Variants in LNX2 observed in about 807,000 individuals in gnomAD.
LNX2 encodes the protein ligand of Numb protein X 2.
In LNX2, 35 loss-of-function variants were observed where a neutral mutation model predicts 66.2. The ratio of observed to expected loss-of-function variants is 0.53; its 90% CI spans 0.40 to 0.70. LNX2 has a LOEUF of 0.70. Ranked by LOEUF, LNX2 falls within the 30% of genes least tolerant of loss-of-function variation. The pLI, the probability that LNX2 is intolerant of heterozygous loss-of-function variation, is 0.00. For missense variants in LNX2, 791 were observed against 850.8 expected (o/e 0.93, Z 0.87); for synonymous variants, 337 against 315.6 (o/e 1.07, Z -0.72).
At chr13:27,587,812 G>T (rs1955504673) in intron 1 of LNX2, among the ~76,000 whole-genome samples, 1 of 151,992 alleles carries the variant, frequency 6.6e-6, no homozygotes, top group Non-Finnish European at 1.5e-5. Context: ...ACAAGGTCAG[G>T]AGATCAAGAC....
intron 1 of LNX2, among the ~76,000 whole-genome samples, chr13:27,583,253 T>TGCGCGCGCGCGC (rs1566124862): frequency 6.4e-5 from 3 of 46,908 alleles, no homozygotes; most frequent in Non-Finnish European, 7.5e-5. Flanking sequence ...TGTGTGTGTG[T>TGCGCGCGCGCGC]GTGCGCGCGT....
intron 1 of LNX2, among the ~76,000 whole-genome samples, chr13:27,617,428 G>A (rs1318659500): frequency 1.3e-5 from 2 of 152,194 alleles, no homozygotes; most frequent in African/African-American, 4.8e-5. Context: ...TAAGCAGGAA[G>A]GAAAGTTAAA....
Position 27,562,481 on chromosome 13 carries a change from G to T in LNX2, c.1156C>A (p.Arg386=). ...AQDGRLSSND[R]VLAINGHDLK... is the part of the protein sequence containing the mutation. ...TCGTGCCCATTGATGGCCAGCACTC[G>T]GTCATTGCTGCTTAGCCTGCCGTCC... The change falls in exon 5 of 10, where the codon CGA becomes AGA. Residue 386 remains arginine, a synonymous_variant. Transcript: ENST00000316334. The T allele has an allele frequency of 6.2e-7, 1 of 1,614,094 alleles. No homozygotes were observed.
Position 27,559,755 on chromosome 13 carries a change from GAC to G in LNX2, c.1368+85_1368+86del, listed in dbSNP as rs369248746. The stretch of plus-strand genomic sequence containing the variant: ...AAAACTGCTTTATTGAGGTGTGACT[GAC>G]ACACAAAAAAACCTTCATTTAAATC... On this transcript the variant is annotated intron_variant, in intron 6 of 9. Transcript: ENST00000316334. 7.9e-4 allele frequency: 1,038 copies of G among 1,320,452 alleles called. 5 individuals carry two copies. In the African/African-American group the frequency reaches 0.014, roughly 18 times the overall value. 81.8% of individuals were successfully genotyped at this position (1,320,452 alleles called of 1,614,324 possible). A position where few individuals can be genotyped will look rare whatever the true frequency, so the allele number is the denominator to read the frequency against.
At chr13:27,597,386 G>A (rs751382755) in intron 1 of LNX2, among the ~76,000 whole-genome samples, 26 of 152,114 alleles carry the variant, frequency 1.7e-4, no homozygotes, top group Non-Finnish European at 2.6e-4. Flanking sequence ...AGAAGTACAC[G>A]GGCTCAGAAA....
chr13:27,608,538 C>A (rs10492488), intron 1 of LNX2, among the ~76,000 whole-genome samples: 30,202 of 152,000 alleles, frequency 0.2, 3,459 homozygotes, highest in African/African-American at 0.31. Flanking sequence ...TAAAAATATA[C>A]ACTGCGATTT....
intron 1 of LNX2, among the ~76,000 whole-genome samples, chr13:27,619,213 C>T (rs1955862954): frequency 6.6e-6 from 1 of 150,736 alleles, no homozygotes; most frequent in African/African-American, 2.4e-5. Context: ...ATGTGGGACT[C>T]GGACAAGCTA....
At chr13:27,564,374 T>A (rs1955178641) in intron 4 of LNX2, among the ~76,000 whole-genome samples, 1 of 49,384 alleles carries the variant, frequency 2.0e-5, no homozygotes, top group Non-Finnish European at 4.4e-5. Context: ...TGTATTTTTT[T>A]ATCAATCAAC....
At position 27,562,567 on chromosome 13, in the gene LNX2, C is replaced by T. The variant is rs1312951916; in HGVS notation, c.1070G>A (p.Arg357Gln). 4 of 1,614,120 alleles carry T rather than the reference C, an allele frequency of 2.5e-6. No homozygotes were observed. Among genetic ancestry groups the T allele is most frequent in the Non-Finnish European group, 3.4e-6 (4 of 1,180,010 alleles). ...SGEQLGIKLV[R>Q]RTDEPGVFIL... is the part of the protein sequence containing the mutation. ...AAAAACCCCTGGCTCATCTGTCCTT[C>T]GCACCAATTTAATGCCAAGCTGTTC... Residue 357 changes from arginine (R) to glutamine (Q), a missense_variant, in exon 5 of 10, where the codon CGA (arginine) becomes CAA (glutamine). Physicochemically the swap from Arg to Gln is conservative, Grantham distance 43. Transcript: ENST00000316334.
intron 5 of LNX2, among the ~76,000 whole-genome samples, chr13:27,561,591 T>C (rs1413058854): frequency 6.6e-6 from 1 of 152,264 alleles, no homozygotes. Flanking sequence ...TTGAATTTTC[T>C]TATAGTCTTA....
At chr13:27,597,795 G>C (rs1346189500) in intron 1 of LNX2, among the ~76,000 whole-genome samples, 1 of 152,074 alleles carries the variant, frequency 6.6e-6, no homozygotes. Context: ...AGAAAAGCGG[G>C]TAAGAAAAGG....
At chr13:27,612,109 C>T (rs983992611) in intron 1 of LNX2, among the ~76,000 whole-genome samples, 51 of 152,340 alleles carry the variant, frequency 3.3e-4, no homozygotes, top group African/African-American at 1.2e-3. Context: ...GAAATCACAG[C>T]AGATCATCTC....
At chr13:27,557,175 T>C (rs1955071894) in intron 6 of LNX2, among the ~76,000 whole-genome samples, 1 of 152,120 alleles carries the variant, frequency 6.6e-6, no homozygotes, top group African/African-American at 2.4e-5. Context: ...AAAATAATAA[T>C]TAACATTTGG....
chr13:27,567,882 A>C (rs749849483), intron 3 of LNX2, 43 bp from the exon 4 acceptor site: 1 of 1,517,638 alleles, frequency 6.6e-7, no homozygotes, highest in Non-Finnish European at 9.1e-7. Flanking sequence ...GATGTTAAAA[A>C]AATAAACAAA....
At chr13:27,608,612 T>C (rs1955742078) in intron 1 of LNX2, among the ~76,000 whole-genome samples, 1 of 152,154 alleles carries the variant, frequency 6.6e-6, no homozygotes. Context: ...TACAATAAGG[T>C]AAATCAAACA....
At chr13:27,557,215 C>T (rs562783856) in intron 6 of LNX2, among the ~76,000 whole-genome samples, 19 of 152,106 alleles carry the variant, frequency 1.2e-4, no homozygotes, top group African/African-American at 4.6e-4. Flanking sequence ...AATGCCTTTA[C>T]ATGCATTATT....
intron 1 of LNX2, among the ~76,000 whole-genome samples, chr13:27,582,671 C>T (rs142266667): frequency 0.03 from 4,599 of 152,176 alleles, 106 homozygotes; most frequent in Non-Finnish European, 0.047. Flanking sequence ...TGTTCTCACT[C>T]ATAAGTGGGA....
chr13:27,575,038 G>A (rs1480786267), intron 2 of LNX2, among the ~76,000 whole-genome samples: 1 of 152,182 alleles, frequency 6.6e-6, no homozygotes, highest in African/African-American at 2.4e-5. Context: ...TTTGTTGGTA[G>A]CATGCTTAAC....
chr13:27,612,825 A>G (rs1955786368), intron 1 of LNX2, among the ~76,000 whole-genome samples: 2 of 152,158 alleles, frequency 1.3e-5, no homozygotes, highest in African/African-American at 2.4e-5. Context: ...CCTAAGCTTG[A>G]GTGATTCTGC....
Sources: gnomAD v4.1 joint callset for allele counts (sites outside exome capture counted in the v4.1 genomes callset) on GRCh38, gnomAD v4.1.1 for gene constraint, MANE v1.5 for transcripts, NCBI Gene and HGNC (gene_info 2026-07-23, HGNC 2026-07-21) for gene names.